The following GRM5 variants were observed in gnomAD, a reference collection of about 807,000 sequenced individuals.
GRM5 encodes the protein glutamate metabotropic receptor 5.
In GRM5, 19 loss-of-function variants were observed where a neutral mutation model predicts 83.1. The observed-to-expected ratio is 0.23, with a 90% CI of 0.16 to 0.34. The LOEUF is 0.34. Ranked by LOEUF, GRM5 falls within the 10% of genes least tolerant of loss-of-function variation. The pLI is 1.00. For missense variants in GRM5, 1,160 were observed against 1,588.3 expected, an observed-to-expected ratio of 0.73 and a Z score of 4.58; for synonymous variants, 675 against 633.6, an observed-to-expected ratio of 1.07 and a Z score of -0.98.
chr11:88,933,915 T>G (rs1436503090), intron 2 of GRM5, among the ~76,000 whole-genome samples: 1 of 151,792 alleles, frequency 6.6e-6, no homozygotes, highest in African/African-American at 2.4e-5. Flanking sequence ...AATATAAAAG[T>G]GAACCAGACC....
In GRM5 at chr11:88,886,809, A is replaced by G. The variant is rs149861973; in HGVS notation, c.662-36654T>C. Reference sequence around the variant, plus strand: ...CTCTCTGTGTATGCAATGTATGGGAAATTTTATAGTTCAGGGAGGTAATCT... The same window carrying G: ...CTCTCTGTGTATGCAATGTATGGGAGATTTTATAGTTCAGGGAGGTAATCT... On this transcript the variant is annotated intron_variant, in intron 2 of 9. Coordinates refer to ENST00000305447, the MANE Select transcript of GRM5 (RefSeq NM_001143831.3). Among the ~76,000 whole-genome samples the G allele has an allele frequency of 2.6e-3, 391 of 152,240 alleles. 3 individuals are homozygous for G. The highest frequency in any genetic ancestry group is 9.0e-3 in the African/African-American group (376 of 41,552).
chr11:88,617,787 T>A (rs1373386355), intron 4 of GRM5, among the ~76,000 whole-genome samples: 1 of 152,138 alleles, frequency 6.6e-6, no homozygotes, highest in Non-Finnish European at 1.5e-5. Flanking sequence ...TTGGTTCCCA[T>A]GGCAGGGTGA....
chr11:88,846,232 A>G (rs1479401419), intron 3 of GRM5, among the ~76,000 whole-genome samples: 2 of 152,356 alleles, frequency 1.3e-5, no homozygotes, highest in South Asian at 4.1e-4. Context: ...TTAAATTTCT[A>G]ACTTTTAAAT....
At chr11:88,731,081 G>T (rs747039703) in intron 3 of GRM5, among the ~76,000 whole-genome samples, 1 of 151,988 alleles carries the variant, frequency 6.6e-6, no homozygotes, top group Non-Finnish European at 1.5e-5. Context: ...ATTTATTAAT[G>T]CACTACTGCA....
rs371694387 is a variant in GRM5 at position 88,695,310 on chromosome 11, C to T, written c.912-41907G>A. ...TGTTGAAAAAAAAAGATTGCTTGAT[C>T]ATTTCTTAACCCAGCCATCTTCCAA... On this transcript the variant is annotated intron_variant, in intron 3 of 9. Transcript: ENST00000305447. 6.2e-4 allele frequency among the ~76,000 whole-genome samples: 94 copies of T among 152,232 alleles called. 1 individual carries two copies. Among genetic ancestry groups the T allele is most frequent in the African/African-American group, 2.0e-3 (82 of 41,538 alleles).
At chr11:88,871,554 A>G (rs1419389931) in intron 2 of GRM5, among the ~76,000 whole-genome samples, 2 of 151,634 alleles carry the variant, frequency 1.3e-5, no homozygotes, top group African/African-American at 2.4e-5. Flanking sequence ...AGCATAAATC[A>G]GACTTGAGTG....
At chr11:88,544,995 CA>C (rs1023912907) in intron 8 of GRM5, among the ~76,000 whole-genome samples, 1 of 152,138 alleles carries the variant, frequency 6.6e-6, no homozygotes, top group African/African-American at 2.4e-5. Flanking sequence ...CTTTGGGAGA[CA>C]AAAAACTTCC....
chr11:88,736,592 A>G (rs1565207602), intron 3 of GRM5, among the ~76,000 whole-genome samples: 2 of 152,052 alleles, frequency 1.3e-5, no homozygotes, highest in African/African-American at 4.8e-5. Context: ...CAACTTTGTT[A>G]CAAATATGTG....
intron 2 of GRM5, among the ~76,000 whole-genome samples, chr11:88,918,393 G>A (rs1262159299): frequency 6.6e-6 from 1 of 151,738 alleles, no homozygotes; most frequent in Non-Finnish European, 1.5e-5. Context: ...TAACTAACCT[G>A]CACATTGTGC....
At chr11:88,937,066 A>C (rs1242232200) in intron 2 of GRM5, among the ~76,000 whole-genome samples, 1 of 151,630 alleles carries the variant, frequency 6.6e-6, no homozygotes, top group Non-Finnish European at 1.5e-5. Context: ...CATTGTTGAG[A>C]GTAATTTAAA....
chr11:88,853,195 A>C (rs879930123), intron 2 of GRM5, among the ~76,000 whole-genome samples: 113 of 152,254 alleles, frequency 7.4e-4, no homozygotes, highest in African/African-American at 2.6e-3. Context: ...CTCGTAGCTC[A>C]CGCTACTTAC....
intron 2 of GRM5, among the ~76,000 whole-genome samples, chr11:88,886,284 C>G (rs953963893): frequency 2.0e-5 from 3 of 152,116 alleles, no homozygotes; most frequent in African/African-American, 7.2e-5. Flanking sequence ...GGTTTACACC[C>G]CAGACATAGC....
intron 2 of GRM5, among the ~76,000 whole-genome samples, chr11:88,969,164 T>A (rs1939086695): frequency 6.6e-6 from 1 of 152,068 alleles, no homozygotes; most frequent in South Asian, 2.1e-4. Flanking sequence ...TAACTTTTGT[T>A]CCCATCAATT....
chr11:88,638,436 G>C (rs559901528), intron 4 of GRM5, among the ~76,000 whole-genome samples: 1 of 151,072 alleles, frequency 6.6e-6, no homozygotes, highest in South Asian at 2.1e-4. Context: ...TTGTTTGTTT[G>C]TTTGTTTTGT....
chr11:88,597,114 A>T, intron 6 of GRM5, 70 bp downstream of exon 6: 1 of 999,098 alleles, frequency 1.0e-6, no homozygotes, highest in Non-Finnish European at 1.5e-6. Context: ...AAAATTTTTA[A>T]AAATAGCCAA....
At position 88,579,431 on chromosome 11, in the gene GRM5, G is replaced by C. The variant is rs557482381; in HGVS notation, c.1690+11170C>G. Among the ~76,000 whole-genome samples, 6 of 152,246 alleles carry C rather than the reference G, an allele frequency of 3.9e-5. No homozygotes were observed. The South Asian group carries it at 1.2e-3, about 32-fold the overall frequency. On this transcript the variant is annotated intron_variant, in intron 7 of 9. Coordinates refer to ENST00000305447, the MANE Select transcript of GRM5 (RefSeq NM_001143831.3). ...ATTAACACATAAACAATATAAAATA[G>C]TATGAGGTGATATAAGAGGTAGAGA...
intron 5 of GRM5, among the ~76,000 whole-genome samples, chr11:88,601,363 G>T (rs1334356274): frequency 6.6e-6 from 1 of 151,894 alleles, no homozygotes; most frequent in Non-Finnish European, 1.5e-5. Flanking sequence ...TTTCTTTCCT[G>T]CCCTATTTTG....
intron 2 of GRM5, among the ~76,000 whole-genome samples, chr11:89,023,931 G>T (rs1941060193): frequency 6.6e-6 from 1 of 150,490 alleles, no homozygotes; most frequent in Admixed American, 6.6e-5. Context: ...TAATATTAAA[G>T]TTGTCCATCA....
intron 3 of GRM5, among the ~76,000 whole-genome samples, chr11:88,706,784 C>T (rs916552273): frequency 6.0e-5 from 9 of 150,894 alleles, no homozygotes; most frequent in Non-Finnish European, 1.3e-4. Context: ...AATTCCTCAA[C>T]ATCTACACCT....
Sources: allele counts gnomAD v4.1 joint callset (sites outside exome capture counted in the v4.1 genomes callset), GRCh38; gene constraint gnomAD v4.1.1; transcripts MANE v1.5; gene names NCBI Gene and HGNC (gene_info 2026-07-23, HGNC 2026-07-21).